The following CPLANE1 variants were observed in gnomAD, a reference collection of about 807,000 sequenced individuals.
CPLANE1 encodes ciliogenesis and planar polarity effector complex subunit 1, also known as ciliogenesis and planar polarity effector 1.
Under a neutral mutation model 362.5 loss-of-function variants are expected in CPLANE1, and 263 were observed. That is an observed-to-expected ratio of 0.73 (90% CI 0.66 to 0.80). The LOEUF is 0.80. CPLANE1 is among the 30% of genes least tolerant of loss of function. The pLI is 0.00. For missense variants in CPLANE1, 3,461 were observed against 3,793.4 expected, an observed-to-expected ratio of 0.91 and a Z score of 2.30; for synonymous variants, 1,212 against 1,302.6, an observed-to-expected ratio of 0.93 and a Z score of 1.50.
Position 37,245,859 on chromosome 5 carries a change from C to A in CPLANE1, c.82-14G>T. 1 of 1,505,204 alleles carries A rather than the reference C, an allele frequency of 6.6e-7. No homozygotes were observed. The highest frequency in any genetic ancestry group is 8.8e-7 in the Non-Finnish European group (1 of 1,130,108). The allele number at this position is 1,505,204 out of a possible 1,614,324, so 93.2% of individuals were successfully genotyped here. On this transcript the variant is annotated splice_polypyrimidine_tract_variant and intron_variant, in intron 2 of 52. Transcript: ENST00000651892. ...GGCTTCTTTTTCCTAAGAGAAGAAA[C>A]ATGTGAAGGACTCAAGAGGTGCCAG... is the stretch of plus-strand genomic sequence containing the variant.
At chr5:37,098,444 A>C in the CPLANE1 span, among the ~76,000 whole-genome samples, 2 of 150,918 alleles carry the variant, frequency 1.3e-5, no homozygotes, top group Non-Finnish European at 2.9e-5. Flanking sequence ...TCACAGCATT[A>C]GATAGCTCAT....
At chr5:37,104,297 G>A (rs1411320641), downstream of CPLANE1, among the ~76,000 whole-genome samples, 1 of 152,066 alleles carries the variant, frequency 6.6e-6, no homozygotes, top group Non-Finnish European at 1.5e-5. Flanking sequence ...TCTTTGCACT[G>A]GGTTCTAACT....
chr5:37,238,002 G>A (rs1310355580), intron 8 of CPLANE1, among the ~76,000 whole-genome samples: 1 of 152,156 alleles, frequency 6.6e-6, no homozygotes, highest in East Asian at 1.9e-4. Flanking sequence ...AATATAGCAA[G>A]ACCCTGTCTC....
intron 50 of CPLANE1, among the ~76,000 whole-genome samples, chr5:37,119,415 A>T (rs1051567777): frequency 6.6e-6 from 1 of 152,200 alleles, no homozygotes; most frequent in African/African-American, 2.4e-5. Context: ...TCATGCCTGT[A>T]ATCCCAGCAC....
Position 37,216,235 on chromosome 5 carries a change from G to C in CPLANE1, c.2747-2503C>G, listed in dbSNP as rs79520118. ...ACTAGTATAAGATTTTGGGGGGCAGGCAGTAGCAAAAAGAACGTGTGGGGT... is the reference window on the plus strand; with the variant it reads ...ACTAGTATAAGATTTTGGGGGGCAGCCAGTAGCAAAAAGAACGTGTGGGGT... On this transcript the variant is annotated intron_variant, in intron 15 of 52. Coordinates refer to ENST00000651892, the MANE Select transcript of CPLANE1 (RefSeq NM_001384732.1). Among the ~76,000 whole-genome samples, 902 of 152,208 alleles carry C rather than the reference G, an allele frequency of 5.9e-3. 11 individuals are homozygous for C. The highest frequency in any genetic ancestry group is 0.021 in the African/African-American group (858 of 41,546).
chr5:37,165,142 G>C (rs181436793), intron 36 of CPLANE1, among the ~76,000 whole-genome samples: 16 of 152,126 alleles, frequency 1.1e-4, no homozygotes, highest in Admixed American at 9.2e-4. Context: ...AAAAAAAGAC[G>C]TGACTTAAAA....
chr5:37,177,597 C>T, intron 30 of CPLANE1, 24 bp downstream of exon 30: 1 of 1,554,234 alleles, frequency 6.4e-7, no homozygotes, highest in Non-Finnish European at 8.9e-7. Flanking sequence ...GTGACAATCA[C>T]TGTCATACTT....
chr5:37,085,108 G>C, the CPLANE1 span: 1 of 742,876 alleles, frequency 1.3e-6, no homozygotes, highest in South Asian at 1.4e-5. Context: ...CCAAAGCATT[G>C]GATGCTGGAT....
In CPLANE1 at chr5:37,179,415, G is replaced by C. The variant is rs772939079; in HGVS notation, c.5766C>G (p.Phe1922Leu). The C allele has an allele frequency of 5.0e-6, 8 of 1,613,092 alleles. No homozygotes were observed. The African/African-American group carries it at 1.1e-4, about 22-fold the overall frequency. Residue 1922 changes from phenylalanine to leucine, a missense_variant, in exon 29 of 53, where the codon TTC becomes TTG. Transcript: ENST00000651892. ...TGCAAATGGCAAGACTGGGACTTCT[G>C]AAACCTCCAACAGATTCTTCAATGT... The part of the protein sequence containing the change: ...EEDIEESVGG[F>L]RSPSLAICMM...
At chr5:37,193,337 C>T (rs1580608250) in intron 21 of CPLANE1, among the ~76,000 whole-genome samples, 1 of 151,688 alleles carries the variant, frequency 6.6e-6, no homozygotes, top group Non-Finnish European at 1.5e-5. Flanking sequence ...TTAAATTTTC[C>T]GTAATAAAAA....
At chr5:37,097,031 T>C in the CPLANE1 span, among the ~76,000 whole-genome samples, 1 of 152,080 alleles carries the variant, frequency 6.6e-6, no homozygotes, top group Admixed American at 6.6e-5. Flanking sequence ...AAAGTCATTA[T>C]ATAACGATAA....
intron 1 of CPLANE1, among the ~76,000 whole-genome samples, chr5:37,248,039 T>C (rs1190410120): frequency 6.6e-6 from 1 of 151,456 alleles, no homozygotes; most frequent in Non-Finnish European, 1.5e-5. Flanking sequence ...ATCCATCCAC[T>C]TCGTCCTCCC....
rs1033534373 is a variant in CPLANE1 at position 37,137,047 on chromosome 5, C to T, written c.8792+1673G>A. ...TATTTATGGAAATTTCTGCACTGAG[C>T]TTGATTTCTCCCCAGAAAATGGGTT... On this transcript the variant is annotated intron_variant, in intron 46 of 52. Transcript: ENST00000651892. 6.6e-6 allele frequency among the ~76,000 whole-genome samples: 1 copy of T among 152,206 alleles called. No individual in the cohort carries two copies. Among genetic ancestry groups the T allele is most frequent in the Admixed American group, 6.5e-5 (1 of 15,280 alleles).
intron 9 of CPLANE1, among the ~76,000 whole-genome samples, chr5:37,228,036 G>A (rs890534079): frequency 2.6e-5 from 4 of 151,978 alleles, no homozygotes; most frequent in Admixed American, 2.6e-4. Flanking sequence ...TTTCCTAAAT[G>A]GTAGCATTTA....
chr5:37,156,595 ACT>A (rs761194095), intron 41 of CPLANE1, among the ~76,000 whole-genome samples: 53 of 152,088 alleles, frequency 3.5e-4, no homozygotes, highest in Non-Finnish European at 3.7e-4. Flanking sequence ...GCTCAGCAAG[ACT>A]CTGTCTCTAA....
the CPLANE1 span, among the ~76,000 whole-genome samples, chr5:37,082,254 A>C: frequency 6.6e-6 from 1 of 152,216 alleles, no homozygotes; most frequent in Admixed American, 6.5e-5. Flanking sequence ...ATCAAGCAAA[A>C]ATACCATTCA....
chr5:37,084,780 A>G, the CPLANE1 span, among the ~76,000 whole-genome samples: 78 of 151,100 alleles, frequency 5.2e-4, no homozygotes, highest in African/African-American at 1.6e-3. Flanking sequence ...TTAAAAAAAG[A>G]TATCTTTTTT....
chr5:37,162,190 A>T (rs1432658034), intron 38 of CPLANE1, among the ~76,000 whole-genome samples: 1 of 152,208 alleles, frequency 6.6e-6, no homozygotes, highest in African/African-American at 2.4e-5. Context: ...AGTAAAGGTA[A>T]TCAATAACAT....
Position 37,243,073 on chromosome 5 carries a change from TC to T in CPLANE1, c.616del (p.Glu206AsnfsTer3). On this transcript the variant is annotated frameshift_variant, in exon 6 of 53. Transcript: ENST00000651892. ...CLCSFTFYSG[E>X]CLKLTFLAIR... The stretch of plus-strand genomic sequence containing the variant: ...TGCTAGAAATGTTAACTTCAGGCAT[TC>T]CCCAGAATAAAAAGTAAATGAACAC... 1 of 1,548,174 alleles carries T rather than the reference TC, an allele frequency of 6.5e-7. No homozygotes were observed. The highest frequency in any genetic ancestry group is 1.4e-5 in the African/African-American group (1 of 72,938).
Sources: gnomAD v4.1 joint callset for allele counts (sites outside exome capture counted in the v4.1 genomes callset) on GRCh38, gnomAD v4.1.1 for gene constraint, MANE v1.5 for transcripts, NCBI Gene and HGNC (gene_info 2026-07-23, HGNC 2026-07-21) for gene names.